Variants in GLS observed in about 807,000 individuals in gnomAD.
The protein encoded by GLS is glutaminase.
A neutral mutation model predicts 86.7 loss-of-function variants in GLS; 36 were observed. The ratio of observed to expected loss-of-function variants is 0.42; its 90% CI spans 0.32 to 0.55. The LOEUF (loss-of-function observed/expected upper bound fraction) is 0.55. Ranked by LOEUF, GLS falls within the 20% of genes least tolerant of loss-of-function variation. The pLI, the probability that GLS is intolerant of heterozygous loss-of-function variation, is 0.17. For synonymous variants in GLS, 317 were observed against 305.9 expected (o/e 1.04, Z -0.38); for missense variants, 528 against 833.4 (o/e 0.63, Z 4.51).
At chr2:190,931,432 C>G (rs1690102184) in intron 13 of GLS, 113 bp from the exon 14 acceptor site, 2 of 487,674 alleles carry the variant, frequency 4.1e-6, no homozygotes. Context: ...ACTTTATTAG[C>G]ATGTAGTGAT....
intron 14 of GLS, chr2:190,933,370 T>C: frequency 3.4e-6 from 3 of 871,640 alleles, no homozygotes; most frequent in Non-Finnish European, 4.1e-6. Flanking sequence ...AAAATAGCAG[T>C]GGATTATAAA....
Position 190,935,224 on chromosome 2 carries a change from A to G in GLS, c.1650+3587A>G. On this transcript the variant is annotated intron_variant, in intron 14 of 17. Transcript: ENST00000320717. The surrounding 1 kb of genome is among the most constrained non-coding windows in gnomAD (Gnocchi z 4.2). ...AGCTTTCATTTGCTTTGTATATTTA[A>G]TAATGTACCTTTATTTTCCAGTATG... 1.1e-5 allele frequency: 9 copies of G among 814,372 alleles called. No individual in the cohort carries two copies. The highest frequency in any genetic ancestry group is 1.3e-5 in the Non-Finnish European group (9 of 674,086). 50.4% of individuals were successfully genotyped at this position (814,372 alleles called of 1,614,324 possible).
chr2:190,933,321 C>T (rs1690169754), intron 14 of GLS: 1 of 914,774 alleles, frequency 1.1e-6, no homozygotes, highest in African/African-American at 1.8e-5. Flanking sequence ...AAATACAAAA[C>T]TAAAAAGGCA....
chr2:190,886,986 A>G (rs1688405344), intron 1 of GLS, among the ~76,000 whole-genome samples: 1 of 152,124 alleles, frequency 6.6e-6, no homozygotes, highest in African/African-American at 2.4e-5. Context: ...TTTGAAATGA[A>G]GAAAAATTAT....
intron 7 of GLS, among the ~76,000 whole-genome samples, chr2:190,916,393 A>G (rs1178327691): frequency 1.3e-5 from 2 of 151,984 alleles, no homozygotes; most frequent in African/African-American, 2.4e-5. Flanking sequence ...TATCATTTTT[A>G]GTTTTGATTT....
At chr2:190,909,705 T>C (rs1429578122) in intron 6 of GLS, among the ~76,000 whole-genome samples, 8 of 152,298 alleles carry the variant, frequency 5.3e-5, no homozygotes, top group African/African-American at 1.9e-4. Flanking sequence ...ATATAAGAAA[T>C]ACAAATATAC....
chr2:190,891,552 G>T lies in GLS; in HGVS notation c.387-3600G>T, dbSNP rs73981362. ...TTGGGGAATTATAAGGATTAAGTTA[G>T]GAATAAATAGTGTAAAACTAATTTA... is the stretch of plus-strand genomic sequence containing the variant. On this transcript the variant is annotated intron_variant, in intron 1 of 17. Coordinates refer to ENST00000320717, the MANE Select transcript of GLS (RefSeq NM_014905.5). Among the ~76,000 whole-genome samples, 328 of 152,120 alleles carry T rather than the reference G, an allele frequency of 2.2e-3. 2 individuals are homozygous for T. Among genetic ancestry groups the T allele is most frequent in the African/African-American group, 7.3e-3 (301 of 41,506 alleles).
At position 190,953,868 on chromosome 2, in the gene GLS, C is replaced by T. The variant is rs1690784782; in HGVS notation, c.1712+242C>T. ...CCCAAGTAGTAACTGTTCAGCTAAT[C>T]TGGCTAATTAGTACCAGTGGCTTAC... On this transcript the variant is annotated intron_variant, in intron 15 of 17. Transcript: ENST00000320717. The surrounding 1 kb of genome is among the most constrained non-coding windows in gnomAD (Gnocchi z 4.0). 6.6e-6 allele frequency among the ~76,000 whole-genome samples: 1 copy of T among 151,990 alleles called. No homozygotes were observed.
rs117437688 is a variant in GLS, at chr2:190,931,148, C to A, written c.1558-397C>A. Among the ~76,000 whole-genome samples, 330 of 152,170 alleles carry A rather than the reference C, an allele frequency of 2.2e-3. 10 individuals carry two copies. The East Asian group carries it at 0.055, about 25-fold the overall frequency. The stretch of plus-strand genomic sequence containing the variant: ...TACTCAATTAAAATTGTTTTATTTT[C>A]CAGTCTTTTATATTTTACAAAAACT... On this transcript the variant is annotated intron_variant, in intron 13 of 17. Transcript: ENST00000320717.
At chr2:190,944,247 C>G (rs1444247038) in intron 14 of GLS, among the ~76,000 whole-genome samples, 9 of 151,350 alleles carry the variant, frequency 5.9e-5, no homozygotes, top group African/African-American at 2.2e-4. Flanking sequence ...TCTTCTCTTC[C>G]TGTCTTAAAT....
chr2:190,900,524 A>G, intron 3 of GLS, 40 bp from the exon 4 acceptor site: 1 of 1,282,742 alleles, frequency 7.8e-7, no homozygotes, highest in South Asian at 1.4e-5. Context: ...TGATATTTGA[A>G]ATGTACCCAG....
chr2:190,908,342 C>A (rs1305630286), intron 6 of GLS, among the ~76,000 whole-genome samples: 1 of 152,120 alleles, frequency 6.6e-6, no homozygotes, highest in Non-Finnish European at 1.5e-5. Context: ...GAACAAAACC[C>A]TTGTAAGGTT....
intron 7 of GLS, among the ~76,000 whole-genome samples, chr2:190,911,925 T>G (rs1181279406): frequency 6.6e-6 from 1 of 152,100 alleles, no homozygotes; most frequent in Non-Finnish European, 1.5e-5. Flanking sequence ...TGTAAATAAT[T>G]AATAGAAGAC....
At position 190,963,837 on chromosome 2, in the gene GLS, A is replaced by C. The variant is rs1691060182; in HGVS notation, c.*851A>C. Reference sequence around the variant, plus strand: ...AGACGAACCAGAGACAAAATTACTAAGTATAAATTAGTCAAGTTTATCAGT... The same window carrying C: ...AGACGAACCAGAGACAAAATTACTACGTATAAATTAGTCAAGTTTATCAGT... On this transcript the variant is annotated 3_prime_UTR_variant, in exon 18 of 18. Transcript: ENST00000320717. The C allele has an allele frequency of 6.6e-6, 1 of 152,248 alleles. No homozygotes were observed. Among genetic ancestry groups the C allele is most frequent in the Non-Finnish European group, 1.5e-5 (1 of 68,038 alleles). 9.4% of individuals were successfully genotyped at this position (152,248 alleles called of 1,614,324 possible). A position where few individuals can be genotyped will look rare whatever the true frequency, so the allele number is the denominator to read the frequency against.
chr2:190,910,332 G>T lies in GLS; in HGVS notation c.1038+11G>T. The T allele has an allele frequency of 6.6e-7, 1 of 1,504,330 alleles. No homozygotes were observed. Among genetic ancestry groups the T allele is most frequent in the Non-Finnish European group, 9.2e-7 (1 of 1,090,108 alleles). 93.2% of individuals were successfully genotyped at this position (1,504,330 alleles called of 1,614,324 possible). A position where few individuals can be genotyped will look rare whatever the true frequency, so the allele number is the denominator to read the frequency against. ...ACTTCACTAATAAAGGTAAAATGTT[G>T]ATGTTTCATTTTAACCTAGTAAAAC... is the stretch of plus-strand genomic sequence containing the variant. On this transcript the variant is annotated intron_variant, in intron 7 of 17. Transcript: ENST00000320717.
rs747490780 is a variant in GLS, at chr2:190,921,225, T to C, written c.1130+22T>C. On this transcript the variant is annotated intron_variant, in intron 9 of 17. Coordinates refer to ENST00000320717, the MANE Select transcript of GLS (RefSeq NM_014905.5). This position sits in a 1 kb window ranked among gnomAD's most constrained non-coding sequence, Gnocchi z 4.2. ...CAACGTGAGTGTTTTAAATACTGTT[T>C]TGTTACGTAAAAACACACAACTGTA... 5.7e-5 allele frequency: 84 copies of C among 1,479,222 alleles called. No individual in the cohort carries two copies. Among genetic ancestry groups the C allele is most frequent in the Non-Finnish European group, 7.6e-5 (80 of 1,057,784 alleles). 91.6% of individuals were successfully genotyped at this position (1,479,222 alleles called of 1,614,324 possible).
rs1393235994 is a variant in GLS at position 190,949,626 on chromosome 2, A to C, written c.1651-3939A>C. Reference sequence around the variant, plus strand: ...GAGAATCACTTGAACCCGAGAGGCGAAGGTTGTATGAGCCGAGATCTTGCC... The same window carrying C: ...GAGAATCACTTGAACCCGAGAGGCGCAGGTTGTATGAGCCGAGATCTTGCC... On this transcript the variant is annotated intron_variant, in intron 14 of 17. Transcript: ENST00000320717. The surrounding 1 kb of genome is among the most constrained non-coding windows in gnomAD (Gnocchi z 4.0). Among the ~76,000 whole-genome samples the C allele has an allele frequency of 6.6e-6, 1 of 152,040 alleles. No individual in the cohort carries two copies. The highest frequency in any genetic ancestry group is 1.9e-4 in the East Asian group (1 of 5,180).
intron 9 of GLS, among the ~76,000 whole-genome samples, chr2:190,923,520 ATGATTATGTCAAGTTCCC>A (rs1689811299): frequency 6.6e-6 from 1 of 152,198 alleles, no homozygotes; most frequent in Non-Finnish European, 1.5e-5. Context: ...TGAAAGTTCC[ATGATTATGTCAAGTTCCC>A]TGATTATGTC....
chr2:190,928,893 T>TG (rs1491177388), intron 12 of GLS, among the ~76,000 whole-genome samples: 12 of 33,296 alleles, frequency 3.6e-4, no homozygotes, highest in South Asian at 1.7e-3. Context: ...TTCAGGTGTG[T>TG]TTTTTTTTTT....
Sources: allele counts gnomAD v4.1 joint callset (sites outside exome capture counted in the v4.1 genomes callset), GRCh38; gene constraint gnomAD v4.1.1; non-coding constraint Gnocchi (gnomAD v3.1); transcripts MANE v1.5; gene names NCBI Gene and HGNC (gene_info 2026-07-23, HGNC 2026-07-21).